Variants in LMOD1 observed in about 807,000 individuals in gnomAD.
LMOD1 encodes leiomodin 1.
Under a neutral mutation model 36.5 loss-of-function variants are expected in LMOD1, and 8 were observed. The observed-to-expected ratio is 0.22, with a 90% confidence interval of 0.13 to 0.40. LMOD1 has a LOEUF of 0.40. Among genes scored for constraint, LMOD1 ranks in the 10% least tolerant of loss-of-function variants. LMOD1 has a pLI of 1.00. For missense variants in LMOD1, 630 were observed against 751.1 expected, an observed-to-expected ratio of 0.84 and a Z score of 1.88; for synonymous variants, 284 against 288.7, an observed-to-expected ratio of 0.98 and a Z score of 0.17.
rs1571570849 is a variant in LMOD1, at chr1:201,896,755, G to A, written c.*1617C>T. The A allele has an allele frequency of 2.2e-6, 1 of 454,830 alleles. No homozygotes were observed. Among genetic ancestry groups the A allele is most frequent in the Non-Finnish European group, 4.4e-6 (1 of 226,346 alleles). 28.2% of individuals were successfully genotyped at this position (454,830 alleles called of 1,614,324 possible). On this transcript the variant is annotated 3_prime_UTR_variant, in exon 3 of 3. Transcript: ENST00000367288. ...CTCTGGGCCCAGTGATTGCTTAGGT[G>A]ACTGGGGTGACAGGCAAGTGGGTGG...
chr1:201,922,509 A>G (rs1681722565), intron 1 of LMOD1, among the ~76,000 whole-genome samples: 1 of 152,184 alleles, frequency 6.6e-6, no homozygotes, highest in South Asian at 2.1e-4. Context: ...TTCCATGTAC[A>G]CAAAATGTCC....
intron 1 of LMOD1, among the ~76,000 whole-genome samples, chr1:201,901,511 A>AAAAAAAT (rs1242266721): frequency 1.1e-4 from 8 of 75,224 alleles, no homozygotes; most frequent in African/African-American, 5.8e-4. Context: ...TCAAAAAAAA[A>AAAAAAAT]ATATATATAT....
At position 201,896,692 on chromosome 1, in the gene LMOD1, C is replaced by T; in HGVS notation, c.*1680G>A. On this transcript the variant is annotated 3_prime_UTR_variant, in exon 3 of 3. Coordinates refer to ENST00000367288, the MANE Select transcript of LMOD1 (RefSeq NM_012134.3). ...GCTGGCCTTAGCTCCAGCTCATACC[C>T]TTTAGGTCCAGGAGCCAGTGTGTGT... The T allele has an allele frequency of 2.2e-6, 1 of 456,694 alleles. No individual in the cohort carries two copies. Among genetic ancestry groups the T allele is most frequent in the Non-Finnish European group, 4.4e-6 (1 of 226,964 alleles). The allele number at this position is 456,694 out of a possible 1,614,324, so 28.3% of individuals were successfully genotyped here. A position where few individuals can be genotyped will look rare whatever the true frequency, so the allele number is the denominator to read the frequency against.
intron 1 of LMOD1, among the ~76,000 whole-genome samples, chr1:201,919,216 CTT>C (rs35430227): frequency 6.9e-6 from 1 of 144,304 alleles, no homozygotes; most frequent in African/African-American, 2.6e-5. Flanking sequence ...AAGACAGAAA[CTT>C]TTTTTTTTTT....
intron 1 of LMOD1, among the ~76,000 whole-genome samples, chr1:201,909,440 G>A (rs766034250): frequency 2.0e-5 from 3 of 152,012 alleles, no homozygotes; most frequent in Admixed American, 6.6e-5. Context: ...AGGAAGAGAC[G>A]GAGTCTTATG....
intron 1 of LMOD1, among the ~76,000 whole-genome samples, chr1:201,907,063 A>G (rs1681423729): frequency 6.6e-6 from 1 of 152,152 alleles, no homozygotes. Flanking sequence ...ATCTTGTAAC[A>G]ACTGATATTG....
intron 1 of LMOD1, among the ~76,000 whole-genome samples, chr1:201,938,171 C>T (rs1020154963): frequency 6.0e-5 from 9 of 150,610 alleles, no homozygotes; most frequent in East Asian, 3.9e-4. Flanking sequence ...CTCTTGTTGC[C>T]GAGGCTGGAG....
intron 1 of LMOD1, among the ~76,000 whole-genome samples, chr1:201,937,671 C>T (rs767243806): frequency 2.6e-5 from 4 of 151,974 alleles, no homozygotes; most frequent in Non-Finnish European, 4.4e-5. Context: ...GGGGCTGAGG[C>T]GGGAGGATTG....
At chr1:201,932,729 C>G (rs1330531253) in intron 1 of LMOD1, among the ~76,000 whole-genome samples, 1 of 152,082 alleles carries the variant, frequency 6.6e-6, no homozygotes, top group Non-Finnish European at 1.5e-5. Flanking sequence ...GCGACAAAGA[C>G]CTTGTCTCAA....
intron 1 of LMOD1, among the ~76,000 whole-genome samples, chr1:201,940,398 G>T (rs1682094081): frequency 6.6e-6 from 1 of 151,600 alleles, no homozygotes; most frequent in African/African-American, 2.4e-5. Flanking sequence ...TGTTGGCCAG[G>T]CTGGTCTCGA....
chr1:201,927,420 G>A (rs1430636863), intron 1 of LMOD1, among the ~76,000 whole-genome samples: 1 of 152,062 alleles, frequency 6.6e-6, no homozygotes, highest in Non-Finnish European at 1.5e-5. Flanking sequence ...ACAAAAATTA[G>A]CCGGGTGTGG....
chr1:201,900,604 C>T lies in LMOD1; in HGVS notation c.409G>A (p.Asp137Asn). Residue 137 changes from aspartate (D) to asparagine (N), a missense_variant, in exon 2 of 3, where the codon GAC becomes AAC. By Grantham distance (23) the Asp-to-Asn change is conservative (BLOSUM62 1). Transcript: ENST00000367288. ...CTCTTGCCACCAGCTTCATCTCTGTCTCTAGAGAAGCTTTTCTTTAAACCA... is the reference window on the plus strand; with the variant it reads ...CTCTTGCCACCAGCTTCATCTCTGTTTCTAGAGAAGCTTTTCTTTAAACCA... The part of the protein sequence containing the change: ...RGGLKKSFSR[D>N]RDEAGGKSGE... The T allele has an allele frequency of 6.2e-7, 1 of 1,613,910 alleles. No homozygotes were observed.
At chr1:201,932,493 T>G (rs1484178139) in intron 1 of LMOD1, among the ~76,000 whole-genome samples, 2 of 152,132 alleles carry the variant, frequency 1.3e-5, no homozygotes, top group African/African-American at 4.8e-5. Context: ...GGTTCAGGCC[T>G]GTAATCCCAG....
intron 1 of LMOD1, 39 bp from the exon 2 acceptor site, chr1:201,900,790 G>C (rs1307496034): frequency 5.9e-6 from 9 of 1,528,936 alleles, no homozygotes; most frequent in Non-Finnish European, 7.9e-6. Context: ...TGAAAAGCTG[G>C]CTACAGAGGG....
At chr1:201,925,494 C>T (rs1389598151) in intron 1 of LMOD1, among the ~76,000 whole-genome samples, 1 of 152,152 alleles carries the variant, frequency 6.6e-6, no homozygotes, top group Non-Finnish European at 1.5e-5. Flanking sequence ...GAGTAAGACA[C>T]TTTCCATTTT....
chr1:201,910,092 A>C (rs535677479), intron 1 of LMOD1, among the ~76,000 whole-genome samples: 1 of 152,290 alleles, frequency 6.6e-6, no homozygotes, highest in South Asian at 2.1e-4. Context: ...TACTTAAGTC[A>C]TTGATGTAAT....
At chr1:201,900,859 G>T in intron 1 of LMOD1, 108 bp from the exon 2 acceptor site, 2 of 950,684 alleles carry the variant, frequency 2.1e-6, no homozygotes, top group South Asian at 1.8e-5. Context: ...TTGAGCCTCT[G>T]AAGGACAGTT....
At chr1:201,911,142 C>T (rs1403388374) in intron 1 of LMOD1, among the ~76,000 whole-genome samples, 1 of 152,170 alleles carries the variant, frequency 6.6e-6, no homozygotes, top group African/African-American at 2.4e-5. Context: ...TGGCCAGATG[C>T]ACTCAAGTGC....
intron 1 of LMOD1, among the ~76,000 whole-genome samples, chr1:201,911,912 G>T (rs567594124): frequency 6.6e-6 from 1 of 152,336 alleles, no homozygotes; most frequent in Non-Finnish European, 1.5e-5. Context: ...GCAACCCGAA[G>T]AATACATGAA....
Sources: allele counts gnomAD v4.1 joint callset (sites outside exome capture counted in the v4.1 genomes callset), GRCh38; gene constraint gnomAD v4.1.1; transcripts MANE v1.5; gene names NCBI Gene and HGNC (gene_info 2026-07-23, HGNC 2026-07-21).